The following SORCS3 variants were observed in gnomAD, a reference collection of about 807,000 sequenced individuals.
SORCS3 encodes the protein sortilin related VPS10 domain containing receptor 3.
Under a neutral mutation model 146.3 loss-of-function variants are expected in SORCS3, and 57 were observed. The observed-to-expected ratio is 0.39, with a 90% CI of 0.31 to 0.49. SORCS3 has a LOEUF of 0.49. Ranked by LOEUF, SORCS3 falls within the 20% of genes least tolerant of loss-of-function variation. The probability of loss-of-function intolerance (pLI) is 0.92; values close to 1 mark genes in which losing one functional copy is unlikely to be tolerated. For missense variants in SORCS3, 1,341 were observed against 1,575.5 expected, an observed-to-expected ratio of 0.85 and a Z score of 2.52; for synonymous variants, 653 against 618.5, an observed-to-expected ratio of 1.06 and a Z score of -0.83.
At chr10:104,749,233 G>A (rs1039698410) in intron 1 of SORCS3, among the ~76,000 whole-genome samples, 60 of 132,726 alleles carry the variant, frequency 4.5e-4, no homozygotes, top group African/African-American at 1.6e-3. Flanking sequence ...TAGGGTGTGT[G>A]TGTGTGTGTG....
At chr10:104,924,195 C>A (rs1377299927) in intron 3 of SORCS3, among the ~76,000 whole-genome samples, 1 of 152,254 alleles carries the variant, frequency 6.6e-6, no homozygotes, top group East Asian at 1.9e-4. Flanking sequence ...ACTGTGCAGA[C>A]CCTCATTGAA....
At chr10:104,794,293 G>A (rs779555462) in intron 1 of SORCS3, among the ~76,000 whole-genome samples, 4 of 152,122 alleles carry the variant, frequency 2.6e-5, no homozygotes, top group Non-Finnish European at 5.9e-5. Flanking sequence ...CAGCTCTCTG[G>A]AATGAAGAAT....
At chr10:105,090,372 C>T (rs915676906) in intron 6 of SORCS3, among the ~76,000 whole-genome samples, 1 of 152,168 alleles carries the variant, frequency 6.6e-6, no homozygotes, top group African/African-American at 2.4e-5. Context: ...ACAAGGGACT[C>T]TTCTAGCAGT....
At chr10:104,854,458 T>C (rs2018307547) in intron 2 of SORCS3, among the ~76,000 whole-genome samples, 1 of 152,172 alleles carries the variant, frequency 6.6e-6, no homozygotes, top group Non-Finnish European at 1.5e-5. Context: ...CAGAGAGATA[T>C]TGTGTATACT....
At chr10:104,711,943 G>A (rs4076474) in intron 1 of SORCS3, among the ~76,000 whole-genome samples, 41,508 of 152,026 alleles carry the variant, frequency 0.27, 6,105 homozygotes, top group East Asian at 0.63. Context: ...TGCCTGCCCC[G>A]CTTTTCCATA....
chr10:104,898,621 A>G (rs1274369425), intron 2 of SORCS3, among the ~76,000 whole-genome samples: 3 of 152,224 alleles, frequency 2.0e-5, no homozygotes, highest in Admixed American at 2.0e-4. Context: ...GCCTTTATTC[A>G]TTGACTGAAA....
intron 3 of SORCS3, among the ~76,000 whole-genome samples, chr10:104,970,237 C>T (rs749878379): frequency 6.6e-6 from 1 of 152,098 alleles, no homozygotes; most frequent in Non-Finnish European, 1.5e-5. Flanking sequence ...ACCTCCACCT[C>T]TAGGGTTCAA....
At position 104,948,556 on chromosome 10, in the gene SORCS3, G is replaced by T. The variant is rs555065473; in HGVS notation, c.796-28779G>T. Among the ~76,000 whole-genome samples, 11 of 152,308 alleles carry T rather than the reference G, an allele frequency of 7.2e-5. No homozygotes were observed. The South Asian group carries it at 2.3e-3, about 32-fold the overall frequency. On this transcript the variant is annotated intron_variant, in intron 3 of 26. Transcript: ENST00000369701. ...ATGGATACCAGGCCCTGGAAAGATA[G>T]TAGCTAAACCTTGATATAGCTCTGC...
intron 3 of SORCS3, among the ~76,000 whole-genome samples, chr10:104,923,164 A>G (rs1378120300): frequency 1.3e-5 from 2 of 152,218 alleles, no homozygotes; most frequent in African/African-American, 4.8e-5. Context: ...AGCCCCTTCC[A>G]GCTCAGGTCG....
chr10:104,944,181 A>G (rs2019346949), intron 3 of SORCS3, among the ~76,000 whole-genome samples: 1 of 152,220 alleles, frequency 6.6e-6, no homozygotes, highest in Non-Finnish European at 1.5e-5. Context: ...AAAAAATAAT[A>G]ATCTTGACTC....
intron 7 of SORCS3, among the ~76,000 whole-genome samples, chr10:105,116,721 T>A (rs1970102): frequency 6.6e-6 from 1 of 151,816 alleles, no homozygotes; most frequent in Non-Finnish European, 1.5e-5. Context: ...AGAACAAGAT[T>A]ATGTCCTTTG....
rs186368985 is a variant in SORCS3 at position 105,104,937 on chromosome 10, C to T, written c.1094-460C>T. Among the ~76,000 whole-genome samples, 5 of 152,204 alleles carry T rather than the reference C, an allele frequency of 3.3e-5. No individual in the cohort carries two copies. In the East Asian group the frequency reaches 9.7e-4, roughly 29 times the overall value. The stretch of plus-strand genomic sequence containing the variant: ...GATCATTAATTCATGGGCATTGAGC[C>T]TATTTCTAATTTTTTACTACTATGA... On this transcript the variant is annotated intron_variant, in intron 6 of 26. Transcript: ENST00000369701.
intron 9 of SORCS3, among the ~76,000 whole-genome samples, chr10:105,152,028 C>G (rs2056171183): frequency 6.6e-6 from 1 of 152,142 alleles, no homozygotes; most frequent in Non-Finnish European, 1.5e-5. Context: ...ATTGCAGTGT[C>G]TTCACATCCC....
chr10:104,816,631 GC>G (rs1180743076), intron 1 of SORCS3, among the ~76,000 whole-genome samples: 2 of 152,190 alleles, frequency 1.3e-5, no homozygotes, highest in Non-Finnish European at 2.9e-5. Flanking sequence ...CCAGTCAGGG[GC>G]TGGCGTCTGT....
At chr10:105,127,485 A>G (rs987219337) in intron 7 of SORCS3, among the ~76,000 whole-genome samples, 8 of 152,236 alleles carry the variant, frequency 5.3e-5, no homozygotes, top group East Asian at 3.9e-4. Context: ...CCTAGGCCTC[A>G]GGCTCCTTAA....
chr10:104,856,576 A>C (rs2018336260), intron 2 of SORCS3, among the ~76,000 whole-genome samples: 1 of 135,416 alleles, frequency 7.4e-6, no homozygotes, highest in Admixed American at 8.4e-5. Flanking sequence ...GTGTATTCAC[A>C]TGTATATATA....
intron 6 of SORCS3, among the ~76,000 whole-genome samples, chr10:105,102,423 C>T (rs1024944701): frequency 6.6e-6 from 1 of 152,096 alleles, no homozygotes; most frequent in African/African-American, 2.4e-5. Context: ...CAAACTAACA[C>T]TGGAACAGAA....
chr10:104,962,201 G>C (rs1174256334), intron 3 of SORCS3, among the ~76,000 whole-genome samples: 1 of 152,066 alleles, frequency 6.6e-6, no homozygotes, highest in Admixed American at 6.6e-5. Flanking sequence ...AGGATGCTGG[G>C]CTTTCTAGGT....
chr10:104,795,651 C>G (rs533549106), intron 1 of SORCS3, among the ~76,000 whole-genome samples: 1 of 152,230 alleles, frequency 6.6e-6, no homozygotes, highest in African/African-American at 2.4e-5. Flanking sequence ...TTTCAGCACC[C>G]TGTCAGATTT....
Sources: allele counts gnomAD v4.1 joint callset (sites outside exome capture counted in the v4.1 genomes callset), GRCh38; gene constraint gnomAD v4.1.1; transcripts MANE v1.5; gene names NCBI Gene and HGNC (gene_info 2026-07-23, HGNC 2026-07-21).